AP1M1: variants seen among roughly 807,000 people sequenced by gnomAD.
AP1M1 encodes adaptor related protein complex 1 subunit mu 1.
In AP1M1, 18 loss-of-function variants were observed where a neutral mutation model predicts 57.1. The ratio of observed to expected loss-of-function variants is 0.32; its 90% CI spans 0.22 to 0.47. The LOEUF (loss-of-function observed/expected upper bound fraction) is 0.47, where lower values mean the gene tolerates loss of function less well. AP1M1 is among the 20% of genes least tolerant of loss of function. AP1M1 has a pLI of 1.00. For missense variants in AP1M1, 362 were observed against 593.5 expected (o/e 0.61, Z 4.05); for synonymous variants, 241 against 237.9 (o/e 1.01, Z -0.12).
chr19:16,204,932 G>A lies in AP1M1; in HGVS notation c.199+1317G>A, dbSNP rs1043927578. On this transcript the variant is annotated intron_variant, in intron 2 of 11. Transcript: ENST00000291439. Reference sequence around the variant, plus strand: ...TGCAAGCTCCGCCTCCCGGGTTCGCGCTATTCTCCTGCCTCAGCCTCCCGA... The same window carrying A: ...TGCAAGCTCCGCCTCCCGGGTTCGCACTATTCTCCTGCCTCAGCCTCCCGA... 2.2e-4 allele frequency among the ~76,000 whole-genome samples: 30 copies of A among 133,374 alleles called. 1 individual carries two copies. Among genetic ancestry groups the A allele is most frequent in the African/African-American group, 6.7e-4 (27 of 40,194 alleles). 87.5% of individuals were successfully genotyped at this position (133,374 alleles called of 152,430 possible).
chr19:16,227,795 C>G lies in AP1M1; in HGVS notation c.816+105C>G. 1 of 1,379,742 alleles carries G rather than the reference C, an allele frequency of 7.2e-7. No homozygotes were observed. The highest frequency in any genetic ancestry group is 1.0e-6 in the Non-Finnish European group (1 of 999,840). 85.5% of individuals were successfully genotyped at this position (1,379,742 alleles called of 1,614,324 possible). The stretch of plus-strand genomic sequence containing the variant: ...GCCAGGGCCAGCCCCACCCCACGCT[C>G]CATGAGCTGCCTGGCTCTGCAGAGA... On this transcript the variant is annotated intron_variant, in intron 7 of 11. Coordinates refer to ENST00000291439, the MANE Select transcript of AP1M1 (RefSeq NM_032493.4). The surrounding 1 kb of genome is among the most constrained non-coding windows in gnomAD (Gnocchi z 6.2).
intron 5 of AP1M1, among the ~76,000 whole-genome samples, chr19:16,216,377 G>A (rs541160706): frequency 1.9e-4 from 29 of 152,030 alleles, no homozygotes; most frequent in Non-Finnish European, 4.1e-4. Context: ...CCCAGGAGGC[G>A]GAGCTTGCAG....
intron 1 of AP1M1, among the ~76,000 whole-genome samples, chr19:16,200,934 C>T (rs2145110400): frequency 6.6e-6 from 1 of 152,328 alleles, no homozygotes; most frequent in Admixed American, 6.5e-5. Context: ...TGGGCTTTGA[C>T]TCATGTCCAT....
At chr19:16,212,246 G>A (rs1054163394) in intron 5 of AP1M1, among the ~76,000 whole-genome samples, 1 of 151,928 alleles carries the variant, frequency 6.6e-6, no homozygotes, top group African/African-American at 2.4e-5. Flanking sequence ...TTTTTTGGTT[G>A]TTAGGCTATT....
chr19:16,232,620 T>A (rs555319993), intron 9 of AP1M1, among the ~76,000 whole-genome samples: 2 of 152,318 alleles, frequency 1.3e-5, no homozygotes, highest in East Asian at 3.9e-4. Context: ...GTCCTCACTC[T>A]CACGCTGCCC....
chr19:16,232,001 C>A (rs2091600974), intron 9 of AP1M1, among the ~76,000 whole-genome samples: 2 of 152,236 alleles, frequency 1.3e-5, no homozygotes. Context: ...CTGGGCCGGG[C>A]CTTGCGTCCA....
Position 16,236,964 on chromosome 19 carries a change from T to G in AP1M1, c.*2529T>G, listed in dbSNP as rs750310357. 6 of 152,238 alleles carry G rather than the reference T, an allele frequency of 3.9e-5. No homozygotes were observed. Among genetic ancestry groups the G allele is most frequent in the African/African-American group, 7.2e-5 (3 of 41,470 alleles). 9.4% of individuals were successfully genotyped at this position (152,238 alleles called of 1,614,324 possible). On this transcript the variant is annotated 3_prime_UTR_variant, in exon 12 of 12. Transcript: ENST00000291439. ...ATGCAGTCAATCTGTTGCAAGTGCC[T>G]AAAGGCACAGAGACTCTGAATAGAA...
rs1333472205 is a variant in AP1M1 at position 16,235,203 on chromosome 19, G to C, written c.*768G>C. On this transcript the variant is annotated 3_prime_UTR_variant, in exon 12 of 12. Coordinates refer to ENST00000291439, the MANE Select transcript of AP1M1 (RefSeq NM_032493.4). The stretch of plus-strand genomic sequence containing the variant: ...CACCAGGGGAGGTGGGGTTTGGTGA[G>C]AGACGCCAGCCTCAGACTTTTTCCC... The C allele has an allele frequency of 6.6e-6, 1 of 152,286 alleles. No homozygotes were observed. Among genetic ancestry groups the C allele is most frequent in the East Asian group, 1.9e-4 (1 of 5,196 alleles). 9.4% of individuals were successfully genotyped at this position (152,286 alleles called of 1,614,324 possible). A position where few individuals can be genotyped will look rare whatever the true frequency, so the allele number is the denominator to read the frequency against.
In AP1M1 at chr19:16,207,569, C is replaced by T. The variant is rs1384055667; in HGVS notation, c.268-450C>T. On this transcript the variant is annotated intron_variant, in intron 3 of 11. Transcript: ENST00000291439. The surrounding 1 kb of genome is among the most constrained non-coding windows in gnomAD (Gnocchi z 4.2). ...GTGCCTGCAAAAGTGCTTCTAACAG[C>T]CCCTCTTCTTTGGCGTCCCTTCCTT... is the stretch of plus-strand genomic sequence containing the variant. Among the ~76,000 whole-genome samples, 5 of 152,200 alleles carry T rather than the reference C, an allele frequency of 3.3e-5. 1 individual carries two copies. In the East Asian group the frequency reaches 9.6e-4, roughly 29 times the overall value.
intron 5 of AP1M1, among the ~76,000 whole-genome samples, chr19:16,219,390 GTT>G (rs1296602911): frequency 2.6e-5 from 2 of 75,996 alleles, no homozygotes; most frequent in Non-Finnish European, 7.4e-5. Context: ...ATTCATTTTT[GTT>G]TTTTTGTTTT....
chr19:16,228,342 C>A lies in AP1M1; in HGVS notation c.888+134C>A. On this transcript the variant is annotated intron_variant, in intron 8 of 11. Coordinates refer to ENST00000291439, the MANE Select transcript of AP1M1 (RefSeq NM_032493.4). The surrounding 1 kb of genome is among the most constrained non-coding windows in gnomAD (Gnocchi z 5.0). ...CTGTGGCCTCAGATGCAGGAGTGACCTGACACTGAGGGGACACCGCCTGGG... is the reference window on the plus strand; with the variant it reads ...CTGTGGCCTCAGATGCAGGAGTGACATGACACTGAGGGGACACCGCCTGGG... 1.1e-6 allele frequency: 1 copy of A among 933,254 alleles called. No homozygotes were observed. The highest frequency in any genetic ancestry group is 2.1e-5 in the Admixed American group (1 of 48,778). 57.8% of individuals were successfully genotyped at this position (933,254 alleles called of 1,614,324 possible). A position where few individuals can be genotyped will look rare whatever the true frequency, so the allele number is the denominator to read the frequency against.
intron 5 of AP1M1, among the ~76,000 whole-genome samples, chr19:16,216,122 C>G (rs2091518048): frequency 6.6e-6 from 1 of 152,156 alleles, no homozygotes; most frequent in African/African-American, 2.4e-5. Flanking sequence ...TTCCTAATCT[C>G]AATGATCTTT....
At chr19:16,232,548 G>A (rs1017492492) in intron 9 of AP1M1, among the ~76,000 whole-genome samples, 3 of 152,192 alleles carry the variant, frequency 2.0e-5, no homozygotes, top group African/African-American at 7.2e-5. Flanking sequence ...TGCTGATGTC[G>A]CATCTTCCCC....
At chr19:16,215,554 T>C (rs1161578077) in intron 5 of AP1M1, among the ~76,000 whole-genome samples, 3 of 150,122 alleles carry the variant, frequency 2.0e-5, no homozygotes, top group Non-Finnish European at 4.4e-5. Flanking sequence ...AGAGGCCCAC[T>C]GCTAGTCTGA....
chr19:16,224,589 G>A (rs1203918681), intron 5 of AP1M1, among the ~76,000 whole-genome samples: 2 of 152,248 alleles, frequency 1.3e-5, no homozygotes, highest in Non-Finnish European at 2.9e-5. Flanking sequence ...TCACACCTCA[G>A]CTGAGAAGGT....
chr19:16,234,445 G>A lies in AP1M1; in HGVS notation c.*10G>A, dbSNP rs755987562. The A allele has an allele frequency of 2.0e-5, 33 of 1,613,434 alleles. No homozygotes were observed. The Admixed American group carries it at 4.0e-4, about 20-fold the overall frequency. ...GCTCCGGACCCAGTGAGGGGCTGTC[G>A]CAGCCAACACCCCGGCCTCGGGGCT... On this transcript the variant is annotated 3_prime_UTR_variant, in exon 12 of 12. Coordinates refer to ENST00000291439, the MANE Select transcript of AP1M1 (RefSeq NM_032493.4).
chr19:16,215,397 G>A (rs1568351155), intron 5 of AP1M1, among the ~76,000 whole-genome samples: 1 of 138,746 alleles, frequency 7.2e-6, no homozygotes, highest in Non-Finnish European at 1.5e-5. Flanking sequence ...GGAGGCGGAG[G>A]TTGCAGTGAC....
chr19:16,205,350 C>T (rs879918970), intron 2 of AP1M1, among the ~76,000 whole-genome samples: 3 of 152,208 alleles, frequency 2.0e-5, no homozygotes, highest in Non-Finnish European at 4.4e-5. Flanking sequence ...CAGTGCTCAG[C>T]AAGGCCGTGG....
In AP1M1 at chr19:16,230,258, G is replaced by A. The variant is rs149510821; in HGVS notation, c.1047+1330G>A. 4.6e-3 allele frequency among the ~76,000 whole-genome samples: 700 copies of A among 152,304 alleles called. 9 individuals carry two copies. Among genetic ancestry groups the A allele is most frequent in the Middle Eastern group, 0.02 (6 of 294 alleles). ...AATGGAAGGTTTGTGGCAACCCTGC[G>A]TTGAGCAAGTCTGTTGATGTCATTA... On this transcript the variant is annotated intron_variant, in intron 9 of 11. Transcript: ENST00000291439.
Sources: gnomAD v4.1 joint callset for allele counts (sites outside exome capture counted in the v4.1 genomes callset) on GRCh38, gnomAD v4.1.1 for gene constraint, Gnocchi (gnomAD v3.1) non-coding constraint, MANE v1.5 for transcripts, NCBI Gene and HGNC (gene_info 2026-07-23, HGNC 2026-07-21) for gene names.